LZTS3: variants seen among roughly 807,000 people sequenced by gnomAD.
LZTS3 encodes the protein leucine zipper tumor suppressor family member 3, also known as leucine zipper putative tumor suppressor 3.
LZTS3 carries 16 observed loss-of-function variants against 50.9 expected under a neutral mutation model. The observed-to-expected ratio is 0.31, with a 90% CI of 0.21 to 0.48. LZTS3 has a LOEUF of 0.48. LZTS3 is among the 20% of genes least tolerant of loss of function. The pLI is 0.99. For synonymous variants in LZTS3, 408 were observed against 410.6 expected, an observed-to-expected ratio of 0.99 and a Z score of 0.08; for missense variants, 816 against 931.0, an observed-to-expected ratio of 0.88 and a Z score of 1.61.
In LZTS3 at chr20:3,165,674, G is replaced by C; in HGVS notation, c.1146C>G (p.Ala382=). ...GCTGTAGGCCCTGCTGGGCGCGCTG[G>C]GCACGTCGGGCCACCTGCTGTAGCT... ...SGKLQQVARR[A]QRAQQGLQLQ... The change falls in exon 4 of 5, where the codon GCC becomes GCG. Residue 382 remains alanine (A), a synonymous_variant. Coordinates refer to ENST00000337576, the MANE Select transcript of LZTS3 (RefSeq NM_001365618.1). The surrounding 1 kb of genome is among the most constrained non-coding windows in gnomAD (Gnocchi z 5.0). 6.3e-7 allele frequency: 1 copy of C among 1,585,102 alleles called. No homozygotes were observed. Among genetic ancestry groups the C allele is most frequent in the Non-Finnish European group, 8.5e-7 (1 of 1,173,216 alleles).
At chr20:3,171,662 CA>C (rs35361315) in intron 1 of LZTS3, among the ~76,000 whole-genome samples, 30,116 of 108,288 alleles carry the variant, frequency 0.28, 3,012 homozygotes, top group African/African-American at 0.33. Flanking sequence ...GATACCCCCT[CA>C]AAAAAAAAAA....
At position 3,166,817 on chromosome 20, in the gene LZTS3, A is replaced by G. The variant is rs1472464028; in HGVS notation, c.347T>C (p.Val116Ala). ...SDHTDVCGNV[V>A]GSSGGSSSSG... ...GCTGCTGCTGCCTCCGCTGCTGCCA[A>G]CCACGTTGCCACAGACATCGGTGTG... The change falls in exon 3 of 5, where the codon GTT becomes GCT. Residue 116 changes from valine (V) to alanine (A), a missense_variant. Physicochemically the swap from Val to Ala is moderately conservative, Grantham distance 64 (BLOSUM62 0). Around this residue, in one of 3 missense-constraint regions of LZTS3, gnomAD observed 700 missense variants for 769.4 expected, o/e 0.91. Transcript: ENST00000337576. 5.6e-6 allele frequency: 9 copies of G among 1,613,798 alleles called. No individual in the cohort carries two copies. The highest frequency in any genetic ancestry group is 7.6e-6 in the Non-Finnish European group (9 of 1,180,014).
intron 3 of LZTS3, 51 bp downstream of exon 3, chr20:3,166,654 C>T (rs374265572): frequency 3.2e-6 from 5 of 1,581,110 alleles, no homozygotes; most frequent in African/African-American, 1.3e-5. Flanking sequence ...CTCTGGGTTG[C>T]CTCCCACCCC....
chr20:3,165,679 G>A lies in LZTS3; in HGVS notation c.1141C>T (p.Arg381Cys), dbSNP rs1385147688. The change falls in exon 4 of 5, where the codon CGT (arginine) becomes TGT (cysteine). Residue 381 changes from arginine to cysteine, a missense_variant. By Grantham distance (180) the Arg-to-Cys change is radical. Transcript: ENST00000337576. This position sits in a 1 kb window ranked among gnomAD's most constrained non-coding sequence, Gnocchi z 5.0. ...AGGCCCTGCTGGGCGCGCTGGGCACGTCGGGCCACCTGCTGTAGCTTCCCG... is the reference window on the plus strand; with the variant it reads ...AGGCCCTGCTGGGCGCGCTGGGCACATCGGGCCACCTGCTGTAGCTTCCCG... ...CSGKLQQVAR[R>C]AQRAQQGLQL... is the part of the protein sequence containing the mutation. 7 of 1,583,672 alleles carry A rather than the reference G, an allele frequency of 4.4e-6. No homozygotes were observed. The highest frequency in any genetic ancestry group is 6.0e-6 in the Non-Finnish European group (7 of 1,172,674).
Position 3,164,864 on chromosome 20 carries a change from T to C in LZTS3, c.1612A>G (p.Ser538Gly). ...EPQDALATCE[S>G]DEAKMRRQAG... Reference sequence around the variant, plus strand: ...TGACGGCGCATCTTAGCCTCGTCGCTCTCGCAGGTGGCCAGAGCATCCTGT... The same window carrying C: ...TGACGGCGCATCTTAGCCTCGTCGCCCTCGCAGGTGGCCAGAGCATCCTGT... The change falls in exon 5 of 5, where the codon AGC becomes GGC. Residue 538 changes from serine (S) to glycine (G), a missense_variant. Transcript: ENST00000337576. 1.9e-6 allele frequency: 3 copies of C among 1,557,142 alleles called. No individual in the cohort carries two copies. The South Asian group carries it at 3.5e-5, about 18-fold the overall frequency.
rs1307972481 is a variant in LZTS3, at chr20:3,165,584, C to T, written c.1236G>A (p.Arg412=). 1 of 1,596,192 alleles carries T rather than the reference C, an allele frequency of 6.3e-7. No homozygotes were observed. The highest frequency in any genetic ancestry group is 8.5e-7 in the Non-Finnish European group (1 of 1,178,560). Residue 412 remains arginine, a synonymous_variant, in exon 4 of 5, where the codon CGG becomes CGA. Coordinates refer to ENST00000337576, the MANE Select transcript of LZTS3 (RefSeq NM_001365618.1). The surrounding 1 kb of genome is among the most constrained non-coding windows in gnomAD (Gnocchi z 5.0). The part of the protein sequence containing the change: ...QLQEEAARLM[R]QREELEDKVA... ...CCTTGTCCTCCAGCTCTTCCCGCTG[C>T]CGCATCAGCCGGGCCGCCTCCTCCT...
At chr20:3,168,767 T>C (rs527770560) in intron 1 of LZTS3, among the ~76,000 whole-genome samples, 2 of 152,312 alleles carry the variant, frequency 1.3e-5, no homozygotes, top group East Asian at 1.9e-4. Context: ...CTTTTCCCAC[T>C]ACACCCTGCA....
At chr20:3,167,605 G>GT in intron 2 of LZTS3, 133 bp downstream of exon 2, 10 of 993,874 alleles carry the variant, frequency 1.0e-5, no homozygotes, top group Non-Finnish European at 1.2e-5. Context: ...AACCTCATGG[G>GT]CTGGGGAAAT....
chr20:3,172,926 C>A (rs1222235951), intron 1 of LZTS3, among the ~76,000 whole-genome samples: 1 of 152,048 alleles, frequency 6.6e-6, no homozygotes, highest in African/African-American at 2.4e-5. Flanking sequence ...TAAGCACTGG[C>A]AGCGGAATGG....
rs918399625 is a variant in LZTS3, at chr20:3,164,059, A to C, written c.*395T>G. On this transcript the variant is annotated 3_prime_UTR_variant, in exon 5 of 5. Transcript: ENST00000337576. ...AGGCTCCATGGCCTAGGAGGTGAGC[A>C]CAGAGAGCATCACTAGACACAGGGT... The C allele has an allele frequency of 5.1e-5, 9 of 177,014 alleles. No homozygotes were observed. The highest frequency in any genetic ancestry group is 1.9e-4 in the African/African-American group (8 of 42,402). The allele number at this position is 177,014 out of a possible 1,614,324, so 11.0% of individuals were successfully genotyped here.
rs769484759 is a variant in LZTS3, at chr20:3,166,889, C to T, written c.275G>A (p.Gly92Asp). Residue 92 changes from glycine to aspartate, a missense_variant, in exon 3 of 5, where the codon GGT becomes GAT. Gly to Asp is a moderately conservative substitution (Grantham distance 94). Transcript: ENST00000337576. ...ATTGAGGTAGAGGGAGTTGGCGAGACCCTTGTCCTCTGAGGGGTAGCGGCC... is the reference window on the plus strand; with the variant it reads ...ATTGAGGTAGAGGGAGTTGGCGAGATCCTTGTCCTCTGAGGGGTAGCGGCC... Reference protein sequence around the residue: ...RPGRYPSEDKGLANSLYLNGE... With the variant: ...RPGRYPSEDKDLANSLYLNGE... 6.2e-7 allele frequency: 1 copy of T among 1,613,516 alleles called. No individual in the cohort carries two copies. The highest frequency in any genetic ancestry group is 2.2e-5 in the East Asian group (1 of 44,890).
In LZTS3 at chr20:3,164,340, C is replaced by T. The variant is rs1458640164; in HGVS notation, c.*114G>A. The T allele has an allele frequency of 3.4e-6, 4 of 1,181,736 alleles. No individual in the cohort carries two copies. The highest frequency in any genetic ancestry group is 1.1e-6 in the Non-Finnish European group (1 of 871,502). 73.2% of individuals were successfully genotyped at this position (1,181,736 alleles called of 1,614,324 possible). ...AACCTGGTCACAGCTGCTTAGAGAA[C>T]CTCTTTGGTCTGGGGTTATGGGGTC... On this transcript the variant is annotated 3_prime_UTR_variant, in exon 5 of 5. Transcript: ENST00000337576.
intron 2 of LZTS3, 129 bp from the exon 3 acceptor site, chr20:3,167,310 C>T: frequency 7.2e-7 from 1 of 1,384,210 alleles, no homozygotes; most frequent in East Asian, 2.6e-5. Flanking sequence ...AAAAAGTTCC[C>T]AGGCATCCAA....
In LZTS3 at chr20:3,166,840, G is replaced by A; in HGVS notation, c.324C>T (p.His108=). The change falls in exon 3 of 5, where the codon CAC becomes CAT. Residue 108 remains histidine (H), a synonymous_variant. Transcript: ENST00000337576. ...CAACCACGTTGCCACAGACATCGGT[G>A]TGGTCACTGCCCCGCAGCTCACCAT... The part of the protein sequence containing the change: ...YLNGELRGSD[H]TDVCGNVVGS... 6.2e-7 allele frequency: 1 copy of A among 1,613,888 alleles called. No homozygotes were observed.
chr20:3,173,248 A>ACC (rs2066920894), intron 1 of LZTS3, among the ~76,000 whole-genome samples: 1 of 150,792 alleles, frequency 6.6e-6, no homozygotes, highest in African/African-American at 2.4e-5. Context: ...TCCGAGCCGC[A>ACC]CCCCCTCTGG....
At position 3,164,993 on chromosome 20, in the gene LZTS3, G is replaced by T. The variant is rs368294965; in HGVS notation, c.1483C>A (p.Arg495=). 1.9e-6 allele frequency: 3 copies of T among 1,556,500 alleles called. No homozygotes were observed. Among genetic ancestry groups the T allele is most frequent in the Non-Finnish European group, 2.6e-6 (3 of 1,154,396 alleles). The change falls in exon 5 of 5, where the codon CGG becomes AGG. Residue 495 remains arginine, a synonymous_variant. Coordinates refer to ENST00000337576, the MANE Select transcript of LZTS3 (RefSeq NM_001365618.1). ...GCCTGCTTGCTGCTGAAGGAGTCCC[G>T]CAGGCTGAGCAGCTGCTCCTCCTTC... ...REKEEQLLSL[R]DSFSSKQASL...
intron 1 of LZTS3, among the ~76,000 whole-genome samples, chr20:3,171,758 C>T (rs150475919): frequency 1.2e-4 from 18 of 152,184 alleles, no homozygotes; most frequent in East Asian, 5.8e-4. Flanking sequence ...GGAAAGGTCA[C>T]GGTCCTGAAC....
At chr20:3,172,899 G>A (rs1490992684) in intron 1 of LZTS3, among the ~76,000 whole-genome samples, 1 of 152,108 alleles carries the variant, frequency 6.6e-6, no homozygotes, top group Non-Finnish European at 1.5e-5. Context: ...GGGGAGATCC[G>A]TCTTCCCTCG....
In LZTS3 at chr20:3,165,391, A is replaced by ACCCCCC. The variant is rs1555767247; in HGVS notation, c.1323+105_1323+106insGGGGGG. 2.1e-6 allele frequency: 2 copies of ACCCCCC among 936,964 alleles called. No individual in the cohort carries two copies. Among genetic ancestry groups the ACCCCCC allele is most frequent in the African/African-American group, 2.1e-5 (1 of 47,118 alleles). 58.0% of individuals were successfully genotyped at this position (936,964 alleles called of 1,614,324 possible). On this transcript the variant is annotated intron_variant, in intron 4 of 4. Coordinates refer to ENST00000337576, the MANE Select transcript of LZTS3 (RefSeq NM_001365618.1). This position sits in a 1 kb window ranked among gnomAD's most constrained non-coding sequence, Gnocchi z 5.0. The stretch of plus-strand genomic sequence containing the variant: ...GATTTTTGTCCCCCCTGCTCCTTTC[A>ACCCCCC]TCCCCCCCCCCATCCCACCGTTATG...
Sources: allele counts gnomAD v4.1 joint callset (sites outside exome capture counted in the v4.1 genomes callset), GRCh38; gene constraint gnomAD v4.1.1; regional missense constraint gnomAD v4.1.1; non-coding constraint Gnocchi (gnomAD v3.1); transcripts MANE v1.5; gene names NCBI Gene and HGNC (gene_info 2026-07-23, HGNC 2026-07-21).